Variants in CYP2F1 observed in about 807,000 individuals in gnomAD.
CYP2F1 encodes cytochrome P450 2F1.
CYP2F1 carries 33 observed loss-of-function variants against 40.4 expected under a neutral mutation model. The observed-to-expected ratio is 0.82, with a 90% confidence interval of 0.62 to 1.09. The LOEUF (loss-of-function observed/expected upper bound fraction) is 1.09, where lower values mean the gene tolerates loss of function less well. CYP2F1 is among the 50% of genes least tolerant of loss of function. The probability of loss-of-function intolerance (pLI) is 0.00; values close to 1 mark genes in which losing one functional copy is unlikely to be tolerated. For missense variants in CYP2F1, 566 were observed against 655.7 expected (o/e 0.86, Z 1.49); for synonymous variants, 235 against 277.2 (o/e 0.85, Z 1.51).
At chr19:41,126,817 T>A (rs1390326347) in intron 9 of CYP2F1, among the ~76,000 whole-genome samples, 1 of 151,926 alleles carries the variant, frequency 6.6e-6, no homozygotes, top group African/African-American at 2.4e-5. Flanking sequence ...GAAAAAAAAA[T>A]TGAACTTGGG....
rs765384766 is a variant in CYP2F1 at position 41,121,525 on chromosome 19, C to T, written c.552C>T (p.Phe184=). Residue 184 remains phenylalanine, a synonymous_variant, in exon 5 of 10, where the codon TTC becomes TTT. Coordinates refer to ENST00000331105, the MANE Select transcript of CYP2F1 (RefSeq NM_000774.5). ...CCAACATTATCTGTTCCGTGCTCTT[C>T]GGCAGCCGCTTCGACTATGATGATG... ...SVSNIICSVL[F]GSRFDYDDER... is the part of the protein sequence containing the mutation. 2 of 1,609,810 alleles carry T rather than the reference C, an allele frequency of 1.2e-6. No homozygotes were observed. Among genetic ancestry groups the T allele is most frequent in the Non-Finnish European group, 1.7e-6 (2 of 1,179,636 alleles).
rs377498848 is a variant in CYP2F1, at chr19:41,128,088, C to T, written c.*6C>T. ...TGTGCCTGCGCCCGCGCTAACGCCC[C>T]GGCCCTTCCAGATTCGCCTGTGAGC... On this transcript the variant is annotated 3_prime_UTR_variant, in exon 10 of 10. Coordinates refer to ENST00000331105, the MANE Select transcript of CYP2F1 (RefSeq NM_000774.5). 115 of 1,598,196 alleles carry T rather than the reference C, an allele frequency of 7.2e-5. No individual in the cohort carries two copies. The highest frequency in any genetic ancestry group is 4.5e-5 in the East Asian group (2 of 44,454).
At position 41,124,863 on chromosome 19, in the gene CYP2F1, G is replaced by C. The variant is rs368079396; in HGVS notation, c.1109G>C (p.Arg370Pro). The change falls in exon 8 of 10, where the codon CGC (arginine) becomes CCC (proline). Residue 370 changes from arginine (R) to proline (P), a missense_variant. Physicochemically the swap from Arg to Pro is moderately radical, Grantham distance 103. Around this residue, in one of 5 missense-constraint regions of CYP2F1, gnomAD observed 128 missense variants for 121.0 expected, o/e 1.06. Coordinates refer to ENST00000331105, the MANE Select transcript of CYP2F1 (RefSeq NM_000774.5). ...ATCATCCCCATGAACTTGCCGCACC[G>C]CGTCACTAGGGACACGGCCTTTCGC... is the stretch of plus-strand genomic sequence containing the variant. ...ADIIPMNLPH[R>P]VTRDTAFRGF... The C allele has an allele frequency of 1.2e-6, 2 of 1,610,642 alleles. No individual in the cohort carries two copies. The highest frequency in any genetic ancestry group is 2.7e-5 in the African/African-American group (2 of 74,854).
rs2031790427 is a variant in CYP2F1, at chr19:41,116,221, G to C, written c.33G>C (p.Leu11=). 6.2e-7 allele frequency: 1 copy of C among 1,613,910 alleles called. No individual in the cohort carries two copies. Among genetic ancestry groups the C allele is most frequent in the African/African-American group, 1.3e-5 (1 of 74,976 alleles). The stretch of plus-strand genomic sequence containing the variant: ...GCATAAGCACAGCCATCTTACTCCT[G>C]CTCCTGGCTCTCGTCTGTCTGCTCC... MDSISTAILL[L]LLALVCLLLT... The change falls in exon 2 of 10, where the codon CTG becomes CTC. Residue 11 remains leucine (L), a synonymous_variant. Transcript: ENST00000331105.
intron 7 of CYP2F1, chr19:41,123,297 G>A: frequency 2.4e-6 from 1 of 418,368 alleles, no homozygotes; most frequent in Non-Finnish European, 4.8e-6. Context: ...CCCCTCCCGA[G>A]TTCAAGGGAT....
intron 3 of CYP2F1, among the ~76,000 whole-genome samples, chr19:41,118,334 C>T (rs2031943795): frequency 6.6e-6 from 1 of 152,004 alleles, no homozygotes; most frequent in South Asian, 2.1e-4. Flanking sequence ...AGGAAGCCAT[C>T]ATGATTGGAA....
At chr19:41,127,519 A>T (rs2032590226) in intron 9 of CYP2F1, among the ~76,000 whole-genome samples, 1 of 152,068 alleles carries the variant, frequency 6.6e-6, no homozygotes, top group Non-Finnish European at 1.5e-5. Context: ...TTTTTTGTAG[A>T]GATGGGATCT....
chr19:41,122,013 C>A lies in CYP2F1; in HGVS notation c.702C>A (p.Ile234=). 3.1e-6 allele frequency: 5 copies of A among 1,613,262 alleles called. No individual in the cohort carries two copies. The highest frequency in any genetic ancestry group is 4.2e-6 in the Non-Finnish European group (5 of 1,179,750). The change falls in exon 6 of 10, where the codon ATC becomes ATA. Residue 234 remains isoleucine (I), a synonymous_variant. Transcript: ENST00000331105. ...GGGTGCCTGGGCCGCACCAACGCAT[C>A]TTCCAGAACTTCAAGTGCCTGAGAG... ...LDWVPGPHQR[I]FQNFKCLRDL...
At position 41,121,576 on chromosome 19, in the gene CYP2F1, T is replaced by A; in HGVS notation, c.603T>A (p.Leu201=). ...AGCGTCTGCTCACCATTATCCGCCTTATCAATGACAACTTCCAAATCATGA... is the reference window on the plus strand; with the variant it reads ...AGCGTCTGCTCACCATTATCCGCCTAATCAATGACAACTTCCAAATCATGA... ...DDERLLTIIR[L]INDNFQIMSS... Residue 201 remains leucine, a synonymous_variant, in exon 5 of 10, where the codon CTT becomes CTA. Transcript: ENST00000331105. 6.2e-7 allele frequency: 1 copy of A among 1,610,262 alleles called. No homozygotes were observed. The highest frequency in any genetic ancestry group is 1.1e-5 in the South Asian group (1 of 90,900).
Position 41,120,615 on chromosome 19 carries a change from G to C in CYP2F1, c.484+119G>C. 4 of 1,089,912 alleles carry C rather than the reference G, an allele frequency of 3.7e-6. No homozygotes were observed. In the South Asian group the frequency reaches 5.4e-5, roughly 15 times the overall value. 67.5% of individuals were successfully genotyped at this position (1,089,912 alleles called of 1,614,324 possible). Reference sequence around the variant, plus strand: ...TCCCACCTCAACCTCCCGAATAGCTGGTACTTCAGGTGTGCTCCACCACAC... The same window carrying C: ...TCCCACCTCAACCTCCCGAATAGCTCGTACTTCAGGTGTGCTCCACCACAC... On this transcript the variant is annotated intron_variant, in intron 4 of 9. Transcript: ENST00000331105.
At chr19:41,119,748 T>TATATATATATATATATACACAC (rs1337166345) in intron 3 of CYP2F1, among the ~76,000 whole-genome samples, 5 of 36,102 alleles carry the variant, frequency 1.4e-4, no homozygotes, top group Non-Finnish European at 1.9e-4. Flanking sequence ...TATATATATA[T>TATATATATATATATATACACAC]ACACACACAC....
At chr19:41,124,240 C>T (rs1015470443) in intron 7 of CYP2F1, among the ~76,000 whole-genome samples, 1 of 112,852 alleles carries the variant, frequency 8.9e-6, no homozygotes, top group Non-Finnish European at 1.8e-5. Context: ...TTTTTTTTTT[C>T]CTCTTCCCCC....
chr19:41,116,450 C>T lies in CYP2F1; in HGVS notation c.172-5C>T, dbSNP rs745767766. The T allele has an allele frequency of 3.7e-6, 6 of 1,609,470 alleles. No individual in the cohort carries two copies. Among genetic ancestry groups the T allele is most frequent in the East Asian group, 2.2e-5 (1 of 44,784 alleles). On this transcript the variant is annotated splice_polypyrimidine_tract_variant and splice_region_variant and intron_variant, in intron 2 of 9. Coordinates refer to ENST00000331105, the MANE Select transcript of CYP2F1 (RefSeq NM_000774.5). ...CCCCTGTAACTTCTGTCTTCCTACCCTCAGCTGAGCAAGGAGTATGGCTCC... is the reference window on the plus strand; with the variant it reads ...CCCCTGTAACTTCTGTCTTCCTACCTTCAGCTGAGCAAGGAGTATGGCTCC...
At chr19:41,119,748 T>TATATATATATATATATATACACAC (rs1337166345) in intron 3 of CYP2F1, among the ~76,000 whole-genome samples, 4 of 36,104 alleles carry the variant, frequency 1.1e-4, no homozygotes, top group South Asian at 1.7e-3. Flanking sequence ...TATATATATA[T>TATATATATATATATATATACACAC]ACACACACAC....
intron 1 of CYP2F1, among the ~76,000 whole-genome samples, chr19:41,114,741 C>T (rs950442655): frequency 2.6e-5 from 4 of 151,086 alleles, no homozygotes; most frequent in African/African-American, 9.7e-5. Context: ...CTGTTTCTGC[C>T]TGTGCCCTTC....
chr19:41,116,408 T>C, intron 2 of CYP2F1, 47 bp from the exon 3 acceptor site: 1 of 1,607,612 alleles, frequency 6.2e-7, no homozygotes, highest in Non-Finnish European at 8.5e-7. Flanking sequence ...GGAGGAGGGG[T>C]CCCATGGCCA....
At position 41,116,247 on chromosome 19, in the gene CYP2F1, T is replaced by A. The variant is rs1183376057; in HGVS notation, c.59T>A (p.Leu20Gln). Reference protein sequence around the residue: ...LLLLALVCLLLTLSSRDKGKL... With the variant: ...LLLLALVCLLQTLSSRDKGKL... Reference sequence around the variant, plus strand: ...CTCCTGGCTCTCGTCTGTCTGCTCCTGACCCTAAGCTCAAGAGATAAGGGA... The same window carrying A: ...CTCCTGGCTCTCGTCTGTCTGCTCCAGACCCTAAGCTCAAGAGATAAGGGA... The change falls in exon 2 of 10, where the codon CTG (leucine) becomes CAG (glutamine). Residue 20 changes from leucine to glutamine, a missense_variant. Leu to Gln is a moderately radical substitution (Grantham distance 113). This residue lies in a region of CYP2F1 where 264 missense variants were observed against 275.7 expected (regional missense o/e 0.96). Coordinates refer to ENST00000331105, the MANE Select transcript of CYP2F1 (RefSeq NM_000774.5). 14 of 1,614,144 alleles carry A rather than the reference T, an allele frequency of 8.7e-6. No homozygotes were observed. The highest frequency in any genetic ancestry group is 1.2e-5 in the Non-Finnish European group (14 of 1,180,012).
chr19:41,121,760 G>A (rs1568379314), intron 5 of CYP2F1, 142 bp downstream of exon 5: 3 of 727,030 alleles, frequency 4.1e-6, no homozygotes, highest in Non-Finnish European at 5.8e-6. Context: ...AGAGTTACAC[G>A]GCCACGCCCA....
rs752594770 is a variant in CYP2F1, at chr19:41,120,470, T to C, written c.458T>C (p.Leu153Pro). 4 of 1,613,352 alleles carry C rather than the reference T, an allele frequency of 2.5e-6. No homozygotes were observed. The highest frequency in any genetic ancestry group is 1.6e-4 in the Middle Eastern group (1 of 6,074). Residue 153 changes from leucine (L) to proline (P), a missense_variant, in exon 4 of 10, where the codon CTG (leucine) becomes CCG (proline). Around this residue, in one of 5 missense-constraint regions of CYP2F1, gnomAD observed 264 missense variants for 275.7 expected, o/e 0.96. Coordinates refer to ENST00000331105, the MANE Select transcript of CYP2F1 (RefSeq NM_000774.5). ...CGAATCCTAGAGGAGGGCAGCTTCC[T>C]GCTGGCGGAGCTGCGGAAAACTGAA... Reference protein sequence around the residue: ...EERILEEGSFLLAELRKTEGE... With the variant: ...EERILEEGSFPLAELRKTEGE...
Sources: gnomAD v4.1 joint callset for allele counts (sites outside exome capture counted in the v4.1 genomes callset) on GRCh38, gnomAD v4.1.1 for gene constraint, gnomAD v4.1.1 regional missense constraint, MANE v1.5 for transcripts, NCBI Gene and HGNC (gene_info 2026-07-23, HGNC 2026-07-21) for gene names.